PLEKHG3: variants seen among roughly 807,000 people sequenced by gnomAD.
PLEKHG3 encodes pleckstrin homology domain-containing family G member 3.
PLEKHG3 carries 62 observed loss-of-function variants against 94.9 expected under a neutral mutation model. The observed-to-expected ratio is 0.65, with a 90% CI of 0.53 to 0.81. PLEKHG3 has a LOEUF of 0.81. Among genes scored for constraint, PLEKHG3 ranks in the 30% least tolerant of loss-of-function variants. The probability of loss-of-function intolerance (pLI) is 0.00; values close to 1 mark genes in which losing one functional copy is unlikely to be tolerated. For synonymous variants in PLEKHG3, 614 were observed against 654.0 expected, an observed-to-expected ratio of 0.94 and a Z score of 0.93; for missense variants, 1,461 against 1,619.3, an observed-to-expected ratio of 0.90 and a Z score of 1.68.
rs1056293551 is a variant in PLEKHG3 at position 64,722,863 on chromosome 14, C to T, written c.-39-4730C>T. Among the ~76,000 whole-genome samples the T allele has an allele frequency of 1.3e-5, 2 of 152,174 alleles. No homozygotes were observed. The highest frequency in any genetic ancestry group is 3.9e-4 in the East Asian group (2 of 5,188). On this transcript the variant is annotated intron_variant, in intron 1 of 16. Coordinates refer to ENST00000247226, the MANE Select transcript of PLEKHG3 (RefSeq NM_001308147.2). The surrounding 1 kb of genome is among the most constrained non-coding windows in gnomAD (Gnocchi z 4.3). ...CCTGGGCATTCCCCAAGACCAGAGA[C>T]ACAGAGTTCCAGAAGGCTCCCCGTA... is the stretch of plus-strand genomic sequence containing the variant.
rs144659286 is a variant in PLEKHG3 at position 64,741,776 on chromosome 14, C to T, written c.2259C>T (p.Ser753=). ...SYIPKGLVRN[S]ISRFNSLPRP... is the part of the protein sequence containing the mutation. ...TCCCCAAAGGACTGGTAAGAAACTCCATCTCCAGGTTCAACAGCCTTCCCC... is the reference window on the plus strand; with the variant it reads ...TCCCCAAAGGACTGGTAAGAAACTCTATCTCCAGGTTCAACAGCCTTCCCC... Residue 753 remains serine (S), a synonymous_variant, in exon 16 of 17, where the codon TCC becomes TCT. Transcript: ENST00000247226. 2.5e-6 allele frequency: 4 copies of T among 1,613,298 alleles called. No individual in the cohort carries two copies. The highest frequency in any genetic ancestry group is 1.3e-5 in the African/African-American group (1 of 74,938).
At chr14:64,742,494 A>C (rs771008819) in intron 16 of PLEKHG3, 39 bp downstream of exon 16, 1 of 1,459,248 alleles carries the variant, frequency 6.9e-7, no homozygotes, top group Non-Finnish European at 9.3e-7. Flanking sequence ...CCCCAAGTCT[A>C]GGGACTGAAG....
At position 64,749,562 on chromosome 14, in the gene PLEKHG3, G is replaced by T. The variant is rs1348262288; in HGVS notation, c.*5859G>T. ...AACAATGGTGGGGGCTCTTGGGACT[G>T]CCCCTTCTGAGGGGGCCTCCAGGGC... is the stretch of plus-strand genomic sequence containing the variant. On this transcript the variant is annotated 3_prime_UTR_variant, in exon 17 of 17. Transcript: ENST00000247226. This position sits in a 1 kb window ranked among gnomAD's most constrained non-coding sequence, Gnocchi z 4.7. 1.2e-6 allele frequency: 2 copies of T among 1,604,244 alleles called. No individual in the cohort carries two copies. The highest frequency in any genetic ancestry group is 1.7e-6 in the Non-Finnish European group (2 of 1,178,542).
intron 12 of PLEKHG3, among the ~76,000 whole-genome samples, chr14:64,735,664 G>C (rs1292050735): frequency 6.6e-6 from 1 of 152,198 alleles, no homozygotes; most frequent in Non-Finnish European, 1.5e-5. Flanking sequence ...TTGAACTTGT[G>C]GGAACTGTAG....
At chr14:64,733,008 C>T in intron 12 of PLEKHG3, 107 bp downstream of exon 12, 6 of 711,252 alleles carry the variant, frequency 8.4e-6, no homozygotes, top group Non-Finnish European at 1.5e-5. Context: ...TCTGCGGAAA[C>T]CCTGGGAAAG....
rs60620228 is a variant in PLEKHG3, at chr14:64,728,317, C to T, written c.351+335C>T. On this transcript the variant is annotated intron_variant, in intron 2 of 16. Coordinates refer to ENST00000247226, the MANE Select transcript of PLEKHG3 (RefSeq NM_001308147.2). The surrounding 1 kb of genome is among the most constrained non-coding windows in gnomAD (Gnocchi z 5.9). ...CATGCATCCCCTGCCCTGTTGTTTCCTGGCTGTGCGGAGCCTCAGGTTCCT... is the reference window on the plus strand; with the variant it reads ...CATGCATCCCCTGCCCTGTTGTTTCTTGGCTGTGCGGAGCCTCAGGTTCCT... Among the ~76,000 whole-genome samples the T allele has an allele frequency of 2.2e-4, 34 of 152,332 alleles. No individual in the cohort carries two copies. The highest frequency in any genetic ancestry group is 8.2e-4 in the African/African-American group (34 of 41,576).
rs1326914852 is a variant in PLEKHG3, at chr14:64,730,154, A to T, written c.450-89A>T. 1 of 719,862 alleles carries T rather than the reference A, an allele frequency of 1.4e-6. No individual in the cohort carries two copies. The highest frequency in any genetic ancestry group is 2.4e-6 in the Non-Finnish European group (1 of 412,466). 44.6% of individuals were successfully genotyped at this position (719,862 alleles called of 1,614,324 possible). On this transcript the variant is annotated intron_variant, in intron 3 of 16. Transcript: ENST00000247226. The surrounding 1 kb of genome is among the most constrained non-coding windows in gnomAD (Gnocchi z 5.4). ...TAGCAAAGCAATAGGGCTGGCTGTC[A>T]GTCAGGGTTTGGGAGGTTGGGGAGG...
In PLEKHG3 at chr14:64,743,226, T is replaced by G. The variant is rs752690221; in HGVS notation, c.3183T>G (p.Asp1061Glu). 7 of 1,608,598 alleles carry G rather than the reference T, an allele frequency of 4.4e-6. 1 individual carries two copies. The South Asian group carries it at 7.7e-5, about 18-fold the overall frequency. ...TCTGCTCCAAGTATGCCTCCCGCGA[T>G]GAGGCACGCCGAGCAGGGGGCGGCC... is the stretch of plus-strand genomic sequence containing the variant. Reference protein sequence around the residue: ...RELCSKYASRDEARRAGGGRP... With the variant: ...RELCSKYASREEARRAGGGRP... The change falls in exon 17 of 17, where the codon GAT becomes GAG. Residue 1061 changes from aspartate to glutamate, a missense_variant. Transcript: ENST00000247226. The surrounding 1 kb of genome is among the most constrained non-coding windows in gnomAD (Gnocchi z 7.2).
chr14:64,707,402 C>T (rs758659542), intron 1 of PLEKHG3, among the ~76,000 whole-genome samples: 8 of 152,222 alleles, frequency 5.3e-5, no homozygotes, highest in Non-Finnish European at 1.2e-4. Flanking sequence ...TTTTAAAGTA[C>T]TCTATTCATT....
intron 1 of PLEKHG3, among the ~76,000 whole-genome samples, chr14:64,705,731 G>T (rs973752304): frequency 2.6e-5 from 4 of 152,222 alleles, no homozygotes; most frequent in African/African-American, 9.6e-5. Flanking sequence ...TGAGCACATC[G>T]GCCACCTCGC....
chr14:64,713,221 T>G (rs1376971625), intron 1 of PLEKHG3, among the ~76,000 whole-genome samples: 1 of 152,220 alleles, frequency 6.6e-6, no homozygotes, highest in Admixed American at 6.5e-5. Flanking sequence ...AGGATTTTTG[T>G]GTCTATATTC....
At chr14:64,706,801 C>G (rs773975827) in intron 1 of PLEKHG3, among the ~76,000 whole-genome samples, 32 of 152,366 alleles carry the variant, frequency 2.1e-4, no homozygotes, top group South Asian at 4.1e-4. Context: ...GGGGAAGGCT[C>G]CTCTGTTGCA....
At chr14:64,737,946 CAGG>C in intron 14 of PLEKHG3, 1 of 1,233,922 alleles carries the variant, frequency 8.1e-7, no homozygotes, top group Non-Finnish European at 1.0e-6. Flanking sequence ...AGGGGCTACC[CAGG>C]AGGAGGAAGA....
chr14:64,742,552 A>T, intron 16 of PLEKHG3, 97 bp downstream of exon 16: 1 of 895,542 alleles, frequency 1.1e-6, no homozygotes, highest in Non-Finnish European at 1.7e-6. Context: ...ACCTCTAAGG[A>T]GGCTCTACCA....
chr14:64,743,285 C>A lies in PLEKHG3; in HGVS notation c.3242C>A (p.Ser1081Ter). Residue 1081 changes from serine to a stop codon, truncating the protein, a stop_gained, in exon 17 of 17, where the codon TCG becomes TAG. Transcript: ENST00000247226. LOFTEE classifies it low-confidence loss of function (END_TRUNC). This position sits in a 1 kb window ranked among gnomAD's most constrained non-coding sequence, Gnocchi z 7.2. ...PRGPPVNRSH[S>*]VPENMVEPPL... ...GGCCCACCCGTCAACAGGAGCCACTCGGTGCCGGAGAACATGGTAGAGCCA... is the reference window on the plus strand; with the variant it reads ...GGCCCACCCGTCAACAGGAGCCACTAGGTGCCGGAGAACATGGTAGAGCCA... The A allele has an allele frequency of 6.2e-7, 1 of 1,607,614 alleles. No individual in the cohort carries two copies. The highest frequency in any genetic ancestry group is 8.5e-7 in the Non-Finnish European group (1 of 1,178,972).
intron 15 of PLEKHG3, 58 bp from the exon 16 acceptor site, chr14:64,740,978 C>A: frequency 7.1e-7 from 1 of 1,403,916 alleles, no homozygotes; most frequent in Non-Finnish European, 9.7e-7. Context: ...TCCCCTTGTT[C>A]CCCGGATCCC....
rs1425556735 is a variant in PLEKHG3 at position 64,717,888 on chromosome 14, G to A, written c.-39-9705G>A. On this transcript the variant is annotated intron_variant, in intron 1 of 16. Coordinates refer to ENST00000247226, the MANE Select transcript of PLEKHG3 (RefSeq NM_001308147.2). The surrounding 1 kb of genome is among the most constrained non-coding windows in gnomAD (Gnocchi z 4.7). ...TCGTCTCATGGAGCCCCATTTCCAC[G>A]TGTCTTGGTAGTTGTTCTTCCAGAC... Among the ~76,000 whole-genome samples the A allele has an allele frequency of 6.6e-6, 1 of 152,182 alleles. No homozygotes were observed. The highest frequency in any genetic ancestry group is 1.9e-4 in the East Asian group (1 of 5,188).
Position 64,750,194 on chromosome 14 carries a change from A to G in PLEKHG3, c.*6491A>G, listed in dbSNP as rs1387592256. 6.2e-7 allele frequency: 1 copy of G among 1,601,788 alleles called. No individual in the cohort carries two copies. Among genetic ancestry groups the G allele is most frequent in the Non-Finnish European group, 8.5e-7 (1 of 1,170,800 alleles). On this transcript the variant is annotated 3_prime_UTR_variant, in exon 17 of 17. Transcript: ENST00000247226. ...ACAGGCAGGTCACCCACATCCTGAT[A>G]TGGTATCTCTAGAGTCAATTCCTAT...
At position 64,716,706 on chromosome 14, in the gene PLEKHG3, G is replaced by T. The variant is rs1048387308; in HGVS notation, c.-39-10887G>T. ...TCCTCCCTGGTGGGCAGCGGACCCCGACCCTGGCACCCACCACTTCATAGT... is the reference window on the plus strand; with the variant it reads ...TCCTCCCTGGTGGGCAGCGGACCCCTACCCTGGCACCCACCACTTCATAGT... On this transcript the variant is annotated intron_variant, in intron 1 of 16. Coordinates refer to ENST00000247226, the MANE Select transcript of PLEKHG3 (RefSeq NM_001308147.2). The surrounding 1 kb of genome is among the most constrained non-coding windows in gnomAD (Gnocchi z 5.0). Among the ~76,000 whole-genome samples, 1 of 152,074 alleles carries T rather than the reference G, an allele frequency of 6.6e-6. No individual in the cohort carries two copies. The highest frequency in any genetic ancestry group is 1.5e-5 in the Non-Finnish European group (1 of 67,996).
Sources: gnomAD v4.1 joint callset for allele counts (sites outside exome capture counted in the v4.1 genomes callset) on GRCh38, gnomAD v4.1.1 for gene constraint, Gnocchi (gnomAD v3.1) non-coding constraint, MANE v1.5 for transcripts, NCBI Gene and HGNC (gene_info 2026-07-23, HGNC 2026-07-21) for gene names.